Variants in MCEE observed in about 807,000 individuals in gnomAD.
The protein encoded by MCEE is methylmalonyl-CoA epimerase, also known as methylmalonyl-CoA epimerase, mitochondrial.
MCEE carries 6 observed loss-of-function variants against 12.9 expected under a neutral mutation model. That is an observed-to-expected ratio of 0.47 (90% CI 0.26 to 0.92). MCEE has a LOEUF of 0.92. Ranked by LOEUF, MCEE falls within the 40% of genes least tolerant of loss-of-function variation. The pLI is 0.16. For synonymous variants in MCEE, 78 were observed against 77.9 expected (o/e 1.00, Z -0.01); for missense variants, 214 against 212.1 (o/e 1.01, Z -0.05).
At position 71,109,922 on chromosome 2, in the gene MCEE, T is replaced by C; in HGVS notation, c.*48A>G. The C allele has an allele frequency of 6.3e-7, 1 of 1,599,502 alleles. No individual in the cohort carries two copies. The highest frequency in any genetic ancestry group is 1.1e-5 in the South Asian group (1 of 90,740). Reference sequence around the variant, plus strand: ...ATGTCATAGTACATTTTGATAGTATTTGATAGGCTTTTTCAGGTCAATTAA... The same window carrying C: ...ATGTCATAGTACATTTTGATAGTATCTGATAGGCTTTTTCAGGTCAATTAA... On this transcript the variant is annotated 3_prime_UTR_variant, in exon 3 of 3. Transcript: ENST00000244217.
chr2:71,125,211 A>ATATATATATATATATTTTTTTTTTTT, intron 1 of MCEE, among the ~76,000 whole-genome samples: 78 of 48,522 alleles, frequency 1.6e-3, no homozygotes, highest in Non-Finnish European at 3.0e-3. Context: ...ATATATATAT[A>ATATATATATATATATTTTTTTTTTTT]TTTTTTTTTT....
At chr2:71,130,142 C>T (rs1180680582) in intron 1 of MCEE, 38 bp downstream of exon 1, 3 of 1,600,386 alleles carry the variant, frequency 1.9e-6, no homozygotes, top group Non-Finnish European at 2.6e-6. Flanking sequence ...CCCACGCTCC[C>T]TGTCCCATGG....
chr2:71,120,348 C>A (rs889792300), intron 2 of MCEE, among the ~76,000 whole-genome samples: 3 of 150,048 alleles, frequency 2.0e-5, no homozygotes, highest in African/African-American at 7.6e-5. Context: ...CCCCCTCTTG[C>A]CATCGCAGGC....
chr2:71,120,564 C>T lies in MCEE; in HGVS notation c.378+3642G>A, dbSNP rs185225777. On this transcript the variant is annotated intron_variant, in intron 2 of 2. Transcript: ENST00000244217. Reference sequence around the variant, plus strand: ...AAAAATGCTAATTAACTATTGAGATCGTAATCCACATGTGAGAAAGGAACA... The same window carrying T: ...AAAAATGCTAATTAACTATTGAGATTGTAATCCACATGTGAGAAAGGAACA... 5.9e-4 allele frequency among the ~76,000 whole-genome samples: 88 copies of T among 150,402 alleles called. 2 individuals carry two copies. The highest frequency in any genetic ancestry group is 9.9e-4 in the Admixed American group (15 of 15,216).
intron 1 of MCEE, 176 bp downstream of exon 1, chr2:71,130,004 C>T (rs1192194022): frequency 1.4e-6 from 1 of 694,706 alleles, no homozygotes; most frequent in East Asian, 2.7e-5. Flanking sequence ...CGCTACTAAG[C>T]GGTGGCGCTT....
At chr2:71,124,581 G>C (rs770711145) in intron 1 of MCEE, 38 bp from the exon 2 acceptor site, 6 of 1,473,762 alleles carry the variant, frequency 4.1e-6, no homozygotes, top group Non-Finnish European at 5.7e-6. Context: ...CTTCTTTTGA[G>C]AATTAACGCA....
chr2:71,127,409 C>G (rs1673258511), intron 1 of MCEE, among the ~76,000 whole-genome samples: 1 of 152,192 alleles, frequency 6.6e-6, no homozygotes. Flanking sequence ...AGAGTACTTA[C>G]TATTTAAAGA....
intron 2 of MCEE, among the ~76,000 whole-genome samples, chr2:71,118,115 G>T (rs974541906): frequency 6.7e-6 from 1 of 149,994 alleles, no homozygotes; most frequent in African/African-American, 2.5e-5. Flanking sequence ...TCCTCACCCT[G>T]TGTGGCTCTG....
At chr2:71,116,984 A>G (rs961914670) in intron 2 of MCEE, 8 of 150,706 alleles carry the variant, frequency 5.3e-5, no homozygotes, top group Non-Finnish European at 1.0e-4. Context: ...TCAATGACCA[A>G]ATTTTATGAA....
At chr2:71,127,165 CAT>C (rs1299251848) in intron 1 of MCEE, among the ~76,000 whole-genome samples, 4 of 152,238 alleles carry the variant, frequency 2.6e-5, no homozygotes, top group Non-Finnish European at 2.9e-5. Flanking sequence ...ACTATTTTCA[CAT>C]GTCAGGAAGC....
At position 71,121,392 on chromosome 2, in the gene MCEE, T is replaced by C. The variant is rs145181451; in HGVS notation, c.378+2814A>G. 8.3e-4 allele frequency among the ~76,000 whole-genome samples: 127 copies of C among 152,258 alleles called. 1 individual carries two copies. In the East Asian group the frequency reaches 0.021, roughly 26 times the overall value. On this transcript the variant is annotated intron_variant, in intron 2 of 2. Coordinates refer to ENST00000244217, the MANE Select transcript of MCEE (RefSeq NM_032601.4). ...GCCCATCAGCCTGGGATAGCTAATA[T>C]TAGACTGAAAACAGAAAAATAAAAT...
chr2:71,117,261 C>T (rs1673012980), intron 2 of MCEE, among the ~76,000 whole-genome samples: 1 of 150,520 alleles, frequency 6.6e-6, no homozygotes, highest in African/African-American at 2.5e-5. Flanking sequence ...CAGATGGTTC[C>T]AGTCTTCTTG....
At chr2:71,124,732 C>T (rs1467243733) in intron 1 of MCEE, among the ~76,000 whole-genome samples, 189 bp from the exon 2 acceptor site, 2 of 152,060 alleles carry the variant, frequency 1.3e-5, no homozygotes, top group Non-Finnish European at 2.9e-5. Flanking sequence ...TCTGCCCATT[C>T]AAATAACTGA....
chr2:71,109,906 T>G lies in MCEE; in HGVS notation c.*64A>C, dbSNP rs1672850658. On this transcript the variant is annotated 3_prime_UTR_variant, in exon 3 of 3. Transcript: ENST00000244217. ...AGCAGTGAAGGACTCAATGTCATAG[T>G]ACATTTTGATAGTATTTGATAGGCT... The G allele has an allele frequency of 6.5e-7, 1 of 1,527,786 alleles. No homozygotes were observed. Among genetic ancestry groups the G allele is most frequent in the Non-Finnish European group, 9.0e-7 (1 of 1,108,528 alleles). The allele number at this position is 1,527,786 out of a possible 1,614,324, so 94.6% of individuals were successfully genotyped here.
intron 2 of MCEE, among the ~76,000 whole-genome samples, chr2:71,120,938 T>C (rs1180600989): frequency 2.0e-5 from 3 of 152,170 alleles, no homozygotes; most frequent in African/African-American, 7.2e-5. Flanking sequence ...GGTTTCACCG[T>C]GTTGCCCAGG....
chr2:71,124,468 G>A lies in MCEE; in HGVS notation c.116C>T (p.Thr39Ile). 3 of 1,614,180 alleles carry A rather than the reference G, an allele frequency of 1.9e-6. No homozygotes were observed. Among genetic ancestry groups the A allele is most frequent in the East Asian group, 2.2e-5 (1 of 44,886 alleles). ...TCGACCCAGGTTCCACACAGAACCT[G>A]TCACTTGATCCAAGGGCTGTGATGT... ...SSTSQPLDQVTGSVWNLGRLN... is the reference protein window; with the variant it reads ...SSTSQPLDQVIGSVWNLGRLN... The change falls in exon 2 of 3, where the codon ACA becomes ATA. Residue 39 changes from threonine (T) to isoleucine (I), a missense_variant. Coordinates refer to ENST00000244217, the MANE Select transcript of MCEE (RefSeq NM_032601.4).
At chr2:71,113,351 CCAATGACACACCCAGTAG>C (rs1209574387) in intron 2 of MCEE, among the ~76,000 whole-genome samples, 1 of 152,014 alleles carries the variant, frequency 6.6e-6, no homozygotes, top group African/African-American at 2.4e-5. Flanking sequence ...AGGGCAAGAA[CCAATGACACACCCAGTAG>C]CAATAAGCAC....
intron 2 of MCEE, among the ~76,000 whole-genome samples, chr2:71,121,221 G>A (rs1673095408): frequency 6.6e-6 from 1 of 152,102 alleles, no homozygotes; most frequent in Non-Finnish European, 1.5e-5. Flanking sequence ...TTGGGCCAAT[G>A]GGATAAGGAC....
intron 1 of MCEE, among the ~76,000 whole-genome samples, chr2:71,125,873 T>C (rs1477156237): frequency 6.6e-6 from 1 of 152,240 alleles, no homozygotes; most frequent in Non-Finnish European, 1.5e-5. Flanking sequence ...AGTTTCATTG[T>C]TATCATGAAA....
Sources: gnomAD v4.1 joint callset for allele counts (sites outside exome capture counted in the v4.1 genomes callset) on GRCh38, gnomAD v4.1.1 for gene constraint, MANE v1.5 for transcripts, NCBI Gene and HGNC (gene_info 2026-07-23, HGNC 2026-07-21) for gene names.